ANK3: variants seen among roughly 807,000 people sequenced by gnomAD.
ANK3 encodes ankyrin-3.
A neutral mutation model predicts 370.9 loss-of-function variants in ANK3; 57 were observed. That is an observed-to-expected ratio of 0.15 (90% CI 0.12 to 0.19). The LOEUF (loss-of-function observed/expected upper bound fraction) is 0.19, where lower values mean the gene tolerates loss of function less well. Ranked by LOEUF, ANK3 falls within the 10% of genes least tolerant of loss-of-function variation. ANK3 has a pLI of 1.00. For synonymous variants in ANK3, 1,929 were observed against 1,946.3 expected, an observed-to-expected ratio of 0.99 and a Z score of 0.23; for missense variants, 4,439 against 5,302.1, an observed-to-expected ratio of 0.84 and a Z score of 5.06.
chr10:60,227,635 T>C (rs2097183106), intron 8 of ANK3, among the ~76,000 whole-genome samples: 1 of 152,176 alleles, frequency 6.6e-6, no homozygotes, highest in Non-Finnish European at 1.5e-5. Context: ...TGCTTTAGTA[T>C]GGATGATTTC....
chr10:60,655,250 C>T (rs1468097116), intron 1 of ANK3, among the ~76,000 whole-genome samples: 1 of 151,322 alleles, frequency 6.6e-6, no homozygotes, highest in Non-Finnish European at 1.5e-5. Flanking sequence ...GAGCCTCAGG[C>T]AGGTCCTTCT....
intron 2 of ANK3, among the ~76,000 whole-genome samples, chr10:60,400,563 A>T: frequency 6.6e-6 from 1 of 152,052 alleles, no homozygotes; most frequent in East Asian, 1.9e-4. Context: ...GATCATTCCA[A>T]GGTTTTTTTT....
chr10:60,273,328 A>G (rs1254432162), intron 4 of ANK3, among the ~76,000 whole-genome samples: 1 of 151,786 alleles, frequency 6.6e-6, no homozygotes, highest in East Asian at 1.9e-4. Flanking sequence ...TTTGATTTTT[A>G]AAATATTTGT....
At chr10:60,474,866 G>C (rs965142499) in intron 2 of ANK3, among the ~76,000 whole-genome samples, 1 of 152,096 alleles carries the variant, frequency 6.6e-6, no homozygotes, top group Non-Finnish European at 1.5e-5. Context: ...TTATTTCTAA[G>C]TAGTGGGAAT....
intron 2 of ANK3, among the ~76,000 whole-genome samples, chr10:60,410,142 A>G (rs2063530325): frequency 6.6e-6 from 1 of 152,118 alleles, no homozygotes; most frequent in African/African-American, 2.4e-5. Context: ...TCAAAGTAGT[A>G]GGCAGGCCAG....
intron 2 of ANK3, among the ~76,000 whole-genome samples, chr10:60,554,013 T>C (rs2133237041): frequency 6.6e-6 from 1 of 152,352 alleles, no homozygotes; most frequent in Middle Eastern, 3.4e-3. Flanking sequence ...ATTAGATTTC[T>C]GGCTTTTCTT....
At chr10:60,103,501 C>T (rs10994200) in intron 28 of ANK3, among the ~76,000 whole-genome samples, 1 of 151,538 alleles carries the variant, frequency 6.6e-6, no homozygotes. Flanking sequence ...TTTTTTTTGG[C>T]TGGTCTGCTT....
intron 42 of ANK3, among the ~76,000 whole-genome samples, chr10:60,054,439 G>A (rs1431562906): frequency 6.6e-6 from 1 of 152,080 alleles, no homozygotes; most frequent in Non-Finnish European, 1.5e-5. Flanking sequence ...GTTATTAAAT[G>A]AGCTGGAGAT....
chr10:60,659,613 A>G (rs1230769186), intron 1 of ANK3, among the ~76,000 whole-genome samples: 3 of 152,156 alleles, frequency 2.0e-5, no homozygotes, highest in African/African-American at 7.2e-5. Context: ...CTGTACATAT[A>G]AACATTTTTA....
intron 25 of ANK3, 65 bp downstream of exon 25, chr10:60,134,206 G>C (rs557631065): frequency 1.1e-5 from 14 of 1,313,732 alleles, no homozygotes; most frequent in Non-Finnish European, 1.4e-5. Context: ...ACAAGACAGA[G>C]AGCTTGATTA....
chr10:60,156,540 G>T (rs975071682), intron 23 of ANK3, among the ~76,000 whole-genome samples: 1 of 152,136 alleles, frequency 6.6e-6, no homozygotes, highest in African/African-American at 2.4e-5. Context: ...CCATTAGAGT[G>T]ACCGCATTAT....
chr10:60,042,721 G>T lies in ANK3; in HGVS notation c.13104C>A (p.Ile4368=). 6.2e-7 allele frequency: 1 copy of T among 1,613,914 alleles called. No individual in the cohort carries two copies. The highest frequency in any genetic ancestry group is 1.1e-5 in the South Asian group (1 of 91,062). ...AGTGGCTCTTCTTTTCCACATGCCG[G>T]ATTTCTTTCTTCGTTTTCACCTTAA... ...EGFKVKTKKE[I]RHVEKKSHS The change falls in exon 43 of 44, where the codon ATC becomes ATA. Residue 4368 remains isoleucine (I), a synonymous_variant. Transcript: ENST00000280772.
rs2083256371 is a variant in ANK3, at chr10:60,073,892, A to G, written c.6989T>C (p.Ile2330Thr). ...GTTACCTTTTTCGATGTGGACTTCT[A>G]TTATACGCTCCAGTTTGGGTTTCAT... ...NQMKPKLERI[I>T]EVHIEKGNQA... is the part of the protein sequence containing the mutation. Residue 2330 changes from isoleucine (I) to threonine (T), a missense_variant, in exon 37 of 44, where the codon ATA becomes ACA. Physicochemically the swap from Ile to Thr is moderately conservative, Grantham distance 89. This residue lies in a region of ANK3 where 1,601 missense variants were observed against 1,731.7 expected (regional missense o/e 0.92). Transcript: ENST00000280772. 1 of 1,613,836 alleles carries G rather than the reference A, an allele frequency of 6.2e-7. No homozygotes were observed. Among genetic ancestry groups the G allele is most frequent in the Non-Finnish European group, 8.5e-7 (1 of 1,179,974 alleles).
intron 1 of ANK3, among the ~76,000 whole-genome samples, chr10:60,322,932 G>C (rs1390128330): frequency 1.3e-5 from 2 of 152,196 alleles, no homozygotes. Context: ...AGACAGGCAA[G>C]ACTATGGGAA....
intron 2 of ANK3, among the ~76,000 whole-genome samples, chr10:60,399,675 G>T (rs992678731): frequency 2.6e-5 from 4 of 152,136 alleles, no homozygotes; most frequent in Non-Finnish European, 5.9e-5. Context: ...CAGTGCTTCC[G>T]CCGGCACAAG....
intron 2 of ANK3, among the ~76,000 whole-genome samples, chr10:60,524,801 C>T (rs2133188824): frequency 6.6e-6 from 1 of 152,162 alleles, no homozygotes; most frequent in Non-Finnish European, 1.5e-5. Context: ...TTGTCATAAA[C>T]TCCCACGACG....
At position 60,056,027 on chromosome 10, in the gene ANK3, C is replaced by T. The variant is rs761730090; in HGVS notation, c.12696G>A (p.Gln4232=). The change falls in exon 42 of 44, where the codon CAG becomes CAA. Residue 4232 remains glutamine, a synonymous_variant. Coordinates refer to ENST00000280772, the MANE Select transcript of ANK3 (RefSeq NM_020987.5). The part of the protein sequence containing the change: ...LLDRLDDSPD[Q]CRDSITSYLK... The stretch of plus-strand genomic sequence containing the variant: ...GATATGAGGTAATGGAATCTCTACA[C>T]TGGTCAGGGCTGCAACAGAAAATTT... The T allele has an allele frequency of 1.2e-6, 2 of 1,604,652 alleles. No homozygotes were observed. The highest frequency in any genetic ancestry group is 1.7e-6 in the Non-Finnish European group (2 of 1,176,706).
chr10:60,134,455 G>T, intron 24 of ANK3, 82 bp from the exon 25 acceptor site: 1 of 1,002,282 alleles, frequency 1.0e-6, no homozygotes, highest in South Asian at 1.6e-5. Context: ...GCAACTTTAA[G>T]AACAGGCAAG....
At chr10:60,574,446 C>T (rs2077657626) in intron 2 of ANK3, among the ~76,000 whole-genome samples, 1 of 152,192 alleles carries the variant, frequency 6.6e-6, no homozygotes, top group African/African-American at 2.4e-5. Context: ...TCATCATGTT[C>T]TACATTTCTG....
Sources: allele counts gnomAD v4.1 joint callset (sites outside exome capture counted in the v4.1 genomes callset), GRCh38; gene constraint gnomAD v4.1.1; regional missense constraint gnomAD v4.1.1; transcripts MANE v1.5; gene names NCBI Gene and HGNC (gene_info 2026-07-23, HGNC 2026-07-21).